NOSTRIN: variants seen among roughly 807,000 people sequenced by gnomAD.
NOSTRIN encodes BM247 homolog.
NOSTRIN carries 63 observed loss-of-function variants against 59.0 expected under a neutral mutation model. That is an observed-to-expected ratio of 1.07 (90% CI 0.87 to 1.32). The LOEUF is 1.32. NOSTRIN is among the 40% of genes most tolerant of loss of function. The pLI, the probability that NOSTRIN is intolerant of heterozygous loss-of-function variation, is 0.00. For synonymous variants in NOSTRIN, 200 were observed against 165.4 expected (o/e 1.21, Z -1.61); for missense variants, 512 against 473.1 (o/e 1.08, Z -0.76).
intron 8 of NOSTRIN, among the ~76,000 whole-genome samples, chr2:168,844,698 G>A (rs948785501): frequency 2.6e-5 from 4 of 152,022 alleles, no homozygotes; most frequent in East Asian, 1.9e-4. Flanking sequence ...GCGAAACCCC[G>A]TCTCTACTAA....
chr2:168,815,024 C>T (rs1337697265), intron 2 of NOSTRIN, among the ~76,000 whole-genome samples: 3 of 152,298 alleles, frequency 2.0e-5, no homozygotes, highest in South Asian at 2.1e-4. Flanking sequence ...AGACCCCTTA[C>T]TTAAGAGCTC....
chr2:168,859,370 TCGGC>T, intron 12 of NOSTRIN, 138 bp from the exon 13 acceptor site: 6 of 1,299,546 alleles, frequency 4.6e-6, no homozygotes, highest in African/African-American at 3.0e-5. Flanking sequence ...TTTTTTTCCT[TCGGC>T]ATTTTCTGTG....
chr2:168,803,865 T>A (rs538016513), intron 1 of NOSTRIN, among the ~76,000 whole-genome samples: 1 of 152,362 alleles, frequency 6.6e-6, no homozygotes, highest in East Asian at 1.9e-4. Flanking sequence ...CTTTTATCAT[T>A]TATTTTTCTC....
intron 7 of NOSTRIN, among the ~76,000 whole-genome samples, chr2:168,839,900 A>ATAT (rs1245240817): frequency 1.6e-5 from 2 of 123,234 alleles, no homozygotes; most frequent in Non-Finnish European, 3.3e-5. Context: ...AAAAAAAAAA[A>ATAT]ATATATATAT....
intron 3 of NOSTRIN, among the ~76,000 whole-genome samples, chr2:168,826,135 C>T (rs1295231744): frequency 7.2e-5 from 11 of 152,074 alleles, no homozygotes; most frequent in African/African-American, 1.2e-4. Flanking sequence ...TAATATAAGA[C>T]GTGTGCTTAG....
chr2:168,850,854 C>G, intron 8 of NOSTRIN: 1 of 795,916 alleles, frequency 1.3e-6, no homozygotes, highest in Non-Finnish European at 2.1e-6. Flanking sequence ...CAGCATCTGC[C>G]TATATGCCTT....
At chr2:168,799,831 AAGC>A (rs1424080107), upstream of NOSTRIN, among the ~76,000 whole-genome samples, 6 of 152,188 alleles carry the variant, frequency 3.9e-5, no homozygotes, top group African/African-American at 1.2e-4. Context: ...AACAAATATT[AAGC>A]AGCCATTGTA....
intron 11 of NOSTRIN, chr2:168,856,219 T>G: frequency 4.6e-6 from 1 of 216,616 alleles, no homozygotes; most frequent in Non-Finnish European, 9.3e-6. Flanking sequence ...AGGTAAACAG[T>G]TCATTTATCA....
At chr2:168,826,729 C>T (rs1377288061) in intron 3 of NOSTRIN, among the ~76,000 whole-genome samples, 1 of 152,234 alleles carries the variant, frequency 6.6e-6, no homozygotes, top group Non-Finnish European at 1.5e-5. Context: ...ATCAGCTCTA[C>T]TGAGTTTTAA....
At chr2:168,797,083 T>C (rs1413742020), upstream of NOSTRIN, among the ~76,000 whole-genome samples, 3 of 65,276 alleles carry the variant, frequency 4.6e-5, no homozygotes, top group African/African-American at 1.3e-4. Flanking sequence ...TTTTTTCTTT[T>C]TTTTTTTTTT....
chr2:168,833,651 T>A (rs1462171882), intron 6 of NOSTRIN, among the ~76,000 whole-genome samples: 3 of 152,148 alleles, frequency 2.0e-5, no homozygotes, highest in African/African-American at 7.2e-5. Context: ...GTAGGGAGAC[T>A]CTTGAGTGCT....
chr2:168,853,612 G>C (rs766487446), intron 10 of NOSTRIN, among the ~76,000 whole-genome samples: 2 of 152,200 alleles, frequency 1.3e-5, no homozygotes, highest in Non-Finnish European at 2.9e-5. Flanking sequence ...GCCTTGGACT[G>C]GTATGGGAGC....
exon 1 of NOSTRIN, chr2:168,786,604 G>T (rs1559094507): frequency 6.6e-6 from 1 of 152,182 alleles, no homozygotes; most frequent in Admixed American, 6.5e-5. Context: ...CAGAAGGGAA[G>T]AATCAGGAGA....
intron 12 of NOSTRIN, 75 bp from the exon 13 acceptor site, chr2:168,859,437 T>G: frequency 6.4e-7 from 1 of 1,570,420 alleles, no homozygotes; most frequent in Non-Finnish European, 8.6e-7. Flanking sequence ...ATTTTGAAAG[T>G]TATTCTGATA....
chr2:168,856,842 G>A lies in NOSTRIN; in HGVS notation c.1053+64G>A, dbSNP rs574862423. 2.0e-6 allele frequency: 3 copies of A among 1,488,624 alleles called. No homozygotes were observed. In the South Asian group the frequency reaches 3.4e-5, roughly 17 times the overall value. The allele number at this position is 1,488,624 out of a possible 1,614,324, so 92.2% of individuals were successfully genotyped here. On this transcript the variant is annotated intron_variant, in intron 12 of 15. Coordinates refer to ENST00000317647, the MANE Select transcript of NOSTRIN (RefSeq NM_001039724.4). Reference sequence around the variant, plus strand: ...GAAAAGGGTTATTTTTAGAATACTTGTTTCTGGTCCACTTGGCCTTGTTTG... The same window carrying A: ...GAAAAGGGTTATTTTTAGAATACTTATTTCTGGTCCACTTGGCCTTGTTTG...
rs567411885 is a variant in NOSTRIN, at chr2:168,791,969, C to T, written c.-473+3921C>T. ...TCTGATGGTAGTTTCTTTTGCTGTG[C>T]AGAAGCTCTTGAGTTTAATTAGATC... is the stretch of plus-strand genomic sequence containing the variant. On this transcript the variant is annotated intron_variant, in intron 2 of 20. Coordinates refer to the NOSTRIN transcript ENST00000458381. 8.3e-3 allele frequency among the ~76,000 whole-genome samples: 1,259 copies of T among 152,174 alleles called. 17 individuals carry two copies. Among genetic ancestry groups the T allele is most frequent in the African/African-American group, 0.029 (1,185 of 41,516 alleles).
intron 2 of NOSTRIN, among the ~76,000 whole-genome samples, chr2:168,820,373 C>T (rs946724071): frequency 7.2e-5 from 11 of 152,218 alleles, no homozygotes; most frequent in South Asian, 4.2e-4. Flanking sequence ...CCCAGAATGA[C>T]GCCTGGCACG....
chr2:168,853,370 T>C (rs1688885872), intron 10 of NOSTRIN, among the ~76,000 whole-genome samples: 1 of 152,202 alleles, frequency 6.6e-6, no homozygotes, highest in Non-Finnish European at 1.5e-5. Flanking sequence ...CTTGGTGACC[T>C]GGTGAAAATA....
intron 2 of NOSTRIN, among the ~76,000 whole-genome samples, chr2:168,813,198 C>T (rs551037): frequency 0.076 from 11,550 of 152,188 alleles, 520 homozygotes; most frequent in Non-Finnish European, 0.11. Context: ...CAACTCATTA[C>T]CCAGATTAGA....
Sources: gnomAD v4.1 joint callset for allele counts (sites outside exome capture counted in the v4.1 genomes callset) on GRCh38, gnomAD v4.1.1 for gene constraint, MANE v1.5 for transcripts, NCBI Gene and HGNC (gene_info 2026-07-23, HGNC 2026-07-21) for gene names.